The following DOCK1 variants were observed in gnomAD, a reference collection of about 807,000 sequenced individuals.
DOCK1 encodes dedicator of cytokinesis 1.
DOCK1 carries 138 observed loss-of-function variants against 262.7 expected under a neutral mutation model. The ratio of observed to expected loss-of-function variants is 0.53; its 90% CI spans 0.46 to 0.61. The LOEUF is 0.61. Ranked by LOEUF, DOCK1 falls within the 20% of genes least tolerant of loss-of-function variation. The pLI is 0.00. For synonymous variants in DOCK1, 866 were observed against 867.4 expected (o/e 1.00, Z 0.03); for missense variants, 1,908 against 2,370.7 (o/e 0.80, Z 4.05).
intron 10 of DOCK1, among the ~76,000 whole-genome samples, chr10:127,003,922 C>G (rs1457882674): frequency 6.7e-6 from 1 of 149,926 alleles, no homozygotes; most frequent in African/African-American, 2.5e-5. Context: ...TCACTGCGCT[C>G]CAGCTTGGGG....
At chr10:126,935,954 G>C (rs2034532572) in intron 1 of DOCK1, among the ~76,000 whole-genome samples, 1 of 152,240 alleles carries the variant, frequency 6.6e-6, no homozygotes, top group Non-Finnish European at 1.5e-5. Flanking sequence ...CAAAATGTTT[G>C]AAAGTAGGGC....
intron 28 of DOCK1, among the ~76,000 whole-genome samples, chr10:127,251,173 G>A (rs1342106601): frequency 6.6e-6 from 1 of 151,594 alleles, no homozygotes; most frequent in Non-Finnish European, 1.5e-5. Context: ...CTCTATGTTG[G>A]TCAGGCTGGT....
At chr10:126,947,348 G>A (rs2035525078) in intron 1 of DOCK1, among the ~76,000 whole-genome samples, 1 of 147,202 alleles carries the variant, frequency 6.8e-6, no homozygotes, top group Non-Finnish European at 1.5e-5. Context: ...TGTTGGTGAT[G>A]GTGGTGGTTG....
Position 127,269,822 on chromosome 10 carries a change from C to A in DOCK1, c.3044+12393C>A, listed in dbSNP as rs997559723. Among the ~76,000 whole-genome samples the A allele has an allele frequency of 3.9e-5, 6 of 152,252 alleles. No individual in the cohort carries two copies. The South Asian group carries it at 1.2e-3, about 31-fold the overall frequency. On this transcript the variant is annotated intron_variant, in intron 29 of 51. Coordinates refer to ENST00000623213, the MANE Select transcript of DOCK1 (RefSeq NM_001290223.2). ...CTCTTAAGCCACATCCAAGGCCAGG[C>A]ACATAAAATGTGGACAGTGACGCCC...
At chr10:127,308,233 G>A (rs550364366) in intron 29 of DOCK1, among the ~76,000 whole-genome samples, 14 of 152,298 alleles carry the variant, frequency 9.2e-5, no homozygotes, top group African/African-American at 2.9e-4. Context: ...AGGTGGTGCC[G>A]TCATGGCATG....
chr10:126,943,270 A>G (rs2035156185), intron 1 of DOCK1, among the ~76,000 whole-genome samples: 1 of 152,114 alleles, frequency 6.6e-6, no homozygotes, highest in Non-Finnish European at 1.5e-5. Flanking sequence ...AAAAACAAAC[A>G]AATGAAAGGT....
chr10:127,262,584 G>T (rs1235505075), intron 29 of DOCK1, among the ~76,000 whole-genome samples: 3 of 132,100 alleles, frequency 2.3e-5, no homozygotes, highest in Non-Finnish European at 5.3e-5. Flanking sequence ...TTTTGAAGAA[G>T]GTTATTGCCT....
At chr10:127,015,990 T>A (rs1472524118) in intron 12 of DOCK1, 1 of 152,334 alleles carries the variant, frequency 6.6e-6, no homozygotes, top group African/African-American at 2.4e-5. Flanking sequence ...TTCCTGCAGG[T>A]CTCAGCCCCG....
rs959358840 is a variant in DOCK1 at position 127,252,763 on chromosome 10, A to G, written c.2950-4572A>G. Among the ~76,000 whole-genome samples, 161 of 151,728 alleles carry G rather than the reference A, an allele frequency of 1.1e-3. 1 individual carries two copies. Among genetic ancestry groups the G allele is most frequent in the Non-Finnish European group, 2.1e-3 (146 of 67,936 alleles). On this transcript the variant is annotated intron_variant, in intron 28 of 51. Transcript: ENST00000623213. ...TGATCTATATCTCTGTTTTGGTACC[A>G]GTACCATGCTGTTTTGGTTACTGTA...
intron 29 of DOCK1, among the ~76,000 whole-genome samples, chr10:127,283,085 G>A (rs369424728): frequency 1.6e-4 from 25 of 152,376 alleles, no homozygotes; most frequent in East Asian, 9.6e-4. Context: ...GGAGCGTTAC[G>A]TGGTCTGTGA....
Position 127,451,641 on chromosome 10 carries a change from G to C in DOCK1, c.*214G>C. ...GGGTCTGGGAGGTAGATATGGGTCC[G>C]GGATGTGCTATCGTAGTTATCAGAG... is the stretch of plus-strand genomic sequence containing the variant. On this transcript the variant is annotated 3_prime_UTR_variant, in exon 52 of 52. Coordinates refer to ENST00000623213, the MANE Select transcript of DOCK1 (RefSeq NM_001290223.2). The C allele has an allele frequency of 8.5e-7, 1 of 1,178,134 alleles. No homozygotes were observed. The highest frequency in any genetic ancestry group is 2.2e-4 in the Middle Eastern group (1 of 4,630). The allele number at this position is 1,178,134 out of a possible 1,614,324, so 73.0% of individuals were successfully genotyped here.
chr10:127,238,566 T>C (rs568010187), intron 27 of DOCK1, among the ~76,000 whole-genome samples: 1 of 152,324 alleles, frequency 6.6e-6, no homozygotes, highest in South Asian at 2.1e-4. Flanking sequence ...CCACGTCGCC[T>C]ATATGTCTGT....
At position 126,987,516 on chromosome 10, in the gene DOCK1, C is replaced by G. The variant is rs1442491406; in HGVS notation, c.228-5C>G. ...CTCAGCTGCTCTTTCCTTCTTTCCTCCCAGGCAACATGAAACAGTCATCCC... is the reference window on the plus strand; with the variant it reads ...CTCAGCTGCTCTTTCCTTCTTTCCTGCCAGGCAACATGAAACAGTCATCCC... On this transcript the variant is annotated splice_polypyrimidine_tract_variant and splice_region_variant and intron_variant, in intron 4 of 51. Coordinates refer to ENST00000623213, the MANE Select transcript of DOCK1 (RefSeq NM_001290223.2). The G allele has an allele frequency of 6.4e-7, 1 of 1,573,482 alleles. No homozygotes were observed. Among genetic ancestry groups the G allele is most frequent in the Admixed American group, 1.8e-5 (1 of 54,090 alleles).
chr10:127,053,747 A>C (rs2044922689), intron 22 of DOCK1, among the ~76,000 whole-genome samples: 1 of 152,254 alleles, frequency 6.6e-6, no homozygotes, highest in African/African-American at 2.4e-5. Context: ...TTGTATAGAT[A>C]CAGATGCAGG....
intron 27 of DOCK1, chr10:127,146,098 T>C (rs570561194): frequency 2.0e-6 from 1 of 511,656 alleles, no homozygotes; most frequent in Admixed American, 2.0e-5. Context: ...AAAATCTCCA[T>C]ACTCATCTAA....
chr10:127,001,254 T>G (rs1476191390), intron 10 of DOCK1: 1 of 152,228 alleles, frequency 6.6e-6, no homozygotes, highest in Non-Finnish European at 1.5e-5. Flanking sequence ...ATTCTTTCCC[T>G]TGGCTACCAG....
chr10:127,163,969 G>A (rs571307104), intron 27 of DOCK1, among the ~76,000 whole-genome samples: 6 of 151,946 alleles, frequency 3.9e-5, no homozygotes, highest in African/African-American at 1.4e-4. Context: ...GGCTCTGGCT[G>A]TTAGGGAAGT....
In DOCK1 at chr10:127,336,527, C is replaced by T. The variant is rs540938914; in HGVS notation, c.3045-2479C>T. Among the ~76,000 whole-genome samples, 13 of 151,302 alleles carry T rather than the reference C, an allele frequency of 8.6e-5. No individual in the cohort carries two copies. In the South Asian group the frequency reaches 2.7e-3, roughly 32 times the overall value. ...CAGCCTTCACATTATTTTAGCATGA[C>T]ATACATAGTTTTTTTTTTTTTTTTT... On this transcript the variant is annotated intron_variant, in intron 29 of 51. Transcript: ENST00000623213.
intron 29 of DOCK1, among the ~76,000 whole-genome samples, chr10:127,261,868 G>C (rs1213088814): frequency 2.8e-5 from 4 of 141,936 alleles, no homozygotes; most frequent in African/African-American, 1.1e-4. Context: ...ATGTGGGTGT[G>C]CGTGTGTGTA....
Sources: gnomAD v4.1 joint callset for allele counts (sites outside exome capture counted in the v4.1 genomes callset) on GRCh38, gnomAD v4.1.1 for gene constraint, MANE v1.5 for transcripts, NCBI Gene and HGNC (gene_info 2026-07-23, HGNC 2026-07-21) for gene names.